RALYL: variants seen among roughly 807,000 people sequenced by gnomAD.
RALYL encodes the protein RNA-binding Raly-like protein.
Under a neutral mutation model 35.1 loss-of-function variants are expected in RALYL, and 29 were observed. That is an observed-to-expected ratio of 0.83 (90% CI 0.61 to 1.13). The LOEUF is 1.13. Among genes scored for constraint, RALYL ranks in the 50% most tolerant of loss-of-function variants. RALYL has a pLI of 0.00. For synonymous variants in RALYL, 120 were observed against 127.6 expected, an observed-to-expected ratio of 0.94 and a Z score of 0.40; for missense variants, 359 against 360.4, an observed-to-expected ratio of 1.00 and a Z score of 0.03.
chr8:84,401,635 C>T (rs2042912557), intron 1 of RALYL, among the ~76,000 whole-genome samples: 1 of 62,444 alleles, frequency 1.6e-5, no homozygotes, highest in Non-Finnish European at 2.7e-5. Flanking sequence ...TAGACTCTGT[C>T]TCAAAAAAAA....
At chr8:84,639,365 T>C (rs1825843459) in intron 2 of RALYL, among the ~76,000 whole-genome samples, 1 of 151,836 alleles carries the variant, frequency 6.6e-6, no homozygotes, top group Non-Finnish European at 1.5e-5. Flanking sequence ...TTAGGTCCTG[T>C]TTATAATTTT....
intron 1 of RALYL, among the ~76,000 whole-genome samples, chr8:84,469,848 G>A (rs1328373580): frequency 1.3e-5 from 2 of 152,124 alleles, no homozygotes; most frequent in African/African-American, 2.4e-5. Context: ...GTGGTGCGCT[G>A]TTTTTTAAGC....
intron 2 of RALYL, among the ~76,000 whole-genome samples, chr8:84,625,491 A>G (rs1442989737): frequency 6.6e-6 from 1 of 152,196 alleles, no homozygotes; most frequent in African/African-American, 2.4e-5. Context: ...GGTAAGTATC[A>G]AGAAGCTCAT....
Position 84,351,151 on chromosome 8 carries a change from A to G in RALYL, c.-24+166727A>G, listed in dbSNP as rs1423568582. ...TTACATTAAAGTAAAATGTTTATTT[A>G]TAACAGACAAAACCAGTTCTATACT... On this transcript the variant is annotated intron_variant, in intron 1 of 8. Coordinates refer to ENST00000521268, the MANE Select transcript of RALYL (RefSeq NM_173848.7). 1.3e-5 allele frequency among the ~76,000 whole-genome samples: 2 copies of G among 150,436 alleles called. 1 individual carries two copies. Among genetic ancestry groups the G allele is most frequent in the Non-Finnish European group, 3.0e-5 (2 of 67,740 alleles).
At chr8:84,242,751 A>G (rs1446519992) in intron 1 of RALYL, among the ~76,000 whole-genome samples, 1 of 151,882 alleles carries the variant, frequency 6.6e-6, no homozygotes, top group African/African-American at 2.4e-5. Context: ...TTTCAGATGG[A>G]TTTGATAGAT....
intron 1 of RALYL, among the ~76,000 whole-genome samples, chr8:84,406,345 A>C (rs1350054904): frequency 6.6e-6 from 1 of 152,106 alleles, no homozygotes; most frequent in Non-Finnish European, 1.5e-5. Context: ...AGGATTTAGG[A>C]AGTCCAGTTA....
chr8:84,581,625 G>T (rs1215319486), intron 2 of RALYL, among the ~76,000 whole-genome samples: 1 of 152,112 alleles, frequency 6.6e-6, no homozygotes, highest in African/African-American at 2.4e-5. Flanking sequence ...TCATCTCCAT[G>T]ACTTGTCATG....
chr8:84,293,055 A>G (rs76214877), intron 1 of RALYL, among the ~76,000 whole-genome samples: 3,173 of 152,240 alleles, frequency 0.021, 112 homozygotes, highest in African/African-American at 0.072. Flanking sequence ...TCAGTATTAC[A>G]TTTGAATATG....
At chr8:84,378,602 T>TAAATGAGAG (rs1395247526) in intron 1 of RALYL, among the ~76,000 whole-genome samples, 2 of 151,870 alleles carry the variant, frequency 1.3e-5, no homozygotes, top group African/African-American at 4.8e-5. Flanking sequence ...TATTTGTTGA[T>TAAATGAGAG]AAATGAGAGA....
At chr8:84,881,260 T>C (rs539244375) in intron 7 of RALYL, among the ~76,000 whole-genome samples, 1 of 151,990 alleles carries the variant, frequency 6.6e-6, no homozygotes, top group Non-Finnish European at 1.5e-5. Context: ...ATTGGAACCA[T>C]TGAGTTAAAT....
At chr8:84,843,572 T>C (rs1164928182) in intron 4 of RALYL, among the ~76,000 whole-genome samples, 38 of 152,250 alleles carry the variant, frequency 2.5e-4, no homozygotes, top group African/African-American at 6.7e-4. Context: ...AATGCCATCC[T>C]CATCAAGCTA....
chr8:84,192,018 AT>A (rs1814011507), intron 1 of RALYL, among the ~76,000 whole-genome samples: 1 of 152,226 alleles, frequency 6.6e-6, no homozygotes, highest in South Asian at 2.1e-4. Context: ...TCAAGTATTA[AT>A]TGCATCTGCA....
chr8:84,819,586 A>C (rs1487379906), intron 4 of RALYL, among the ~76,000 whole-genome samples: 1 of 152,196 alleles, frequency 6.6e-6, no homozygotes, highest in Non-Finnish European at 1.5e-5. Flanking sequence ...AATACAGTAG[A>C]GTCATCAAAA....
At position 84,500,177 on chromosome 8, in the gene RALYL, A is replaced by G. The variant is rs560050844; in HGVS notation, c.-23-29122A>G. Among the ~76,000 whole-genome samples, 10 of 152,298 alleles carry G rather than the reference A, an allele frequency of 6.6e-5. No individual in the cohort carries two copies. In the South Asian group the frequency reaches 1.9e-3, roughly 28 times the overall value. On this transcript the variant is annotated intron_variant, in intron 1 of 8. Coordinates refer to ENST00000521268, the MANE Select transcript of RALYL (RefSeq NM_173848.7). ...AAAATTGAAATATGATGATTTAAAA[A>G]CTGAAACTTTAAAATGTTGCAAATG...
At chr8:84,352,915 A>G (rs1851186559) in intron 1 of RALYL, among the ~76,000 whole-genome samples, 1 of 150,058 alleles carries the variant, frequency 6.7e-6, no homozygotes, top group South Asian at 2.1e-4. Flanking sequence ...AACTCTTTTT[A>G]GTAAGAAAAT....
At chr8:84,417,755 A>G (rs556217031) in intron 1 of RALYL, among the ~76,000 whole-genome samples, 1 of 152,196 alleles carries the variant, frequency 6.6e-6, no homozygotes, top group African/African-American at 2.4e-5. Flanking sequence ...TGCCATTTTC[A>G]TATTTATATT....
intron 2 of RALYL, among the ~76,000 whole-genome samples, chr8:84,681,548 A>T (rs1227406625): frequency 6.6e-6 from 1 of 152,116 alleles, no homozygotes; most frequent in Non-Finnish European, 1.5e-5. Context: ...CTCCTCGAAG[A>T]GGTCCTTCAC....
At chr8:84,419,170 GC>G (rs1476661968) in intron 1 of RALYL, among the ~76,000 whole-genome samples, 2 of 152,130 alleles carry the variant, frequency 1.3e-5, no homozygotes, top group Non-Finnish European at 2.9e-5. Flanking sequence ...CTCCAGCCAT[GC>G]TACTATTAAT....
intron 4 of RALYL, among the ~76,000 whole-genome samples, chr8:84,823,659 C>G (rs1472549004): frequency 1.3e-5 from 2 of 152,092 alleles, no homozygotes; most frequent in African/African-American, 2.4e-5. Context: ...CTTACTTTCT[C>G]TCTCTCCTCC....
Sources: gnomAD v4.1 joint callset for allele counts (sites outside exome capture counted in the v4.1 genomes callset) on GRCh38, gnomAD v4.1.1 for gene constraint, MANE v1.5 for transcripts, NCBI Gene and HGNC (gene_info 2026-07-23, HGNC 2026-07-21) for gene names.